The following RALGAPA1 variants were observed in gnomAD, a reference collection of about 807,000 sequenced individuals.
RALGAPA1 encodes Ral GTPase activating protein catalytic subunit alpha 1, also known as ral GTPase-activating protein subunit alpha-1.
Under a neutral mutation model 269.6 loss-of-function variants are expected in RALGAPA1, and 52 were observed. The observed-to-expected ratio is 0.19, with a 90% CI of 0.15 to 0.24. The LOEUF is 0.24. RALGAPA1 is among the 10% of genes least tolerant of loss of function. The pLI is 1.00. For synonymous variants in RALGAPA1, 817 were observed against 1,008.3 expected, an observed-to-expected ratio of 0.81 and a Z score of 3.60; for missense variants, 1,917 against 3,013.9, an observed-to-expected ratio of 0.64 and a Z score of 8.52.
chr14:35,656,305 A>G (rs1440058984), intron 28 of RALGAPA1, among the ~76,000 whole-genome samples: 4 of 152,214 alleles, frequency 2.6e-5, no homozygotes, highest in Non-Finnish European at 5.9e-5. Context: ...AAGCTGATGG[A>G]ATATGTTAAA....
Position 35,683,981 on chromosome 14 carries a change from A to G in RALGAPA1, c.4299T>C (p.Phe1433=), listed in dbSNP as rs186385374. 8.3e-5 allele frequency: 133 copies of G among 1,607,302 alleles called. No individual in the cohort carries two copies. The Admixed American group carries it at 1.3e-3, about 16-fold the overall frequency. ...TAACCCCAGTGTCGGTTCCAAAGCC[A>G]AAATCTATAGGAAGAAGAAATGTTA... The part of the protein sequence containing the change: ...FQYDGRKFDN[F]GFGTDTGVTS... The change falls in exon 21 of 42, where the codon TTT becomes TTC. Residue 1433 remains phenylalanine (F), a synonymous_variant. Transcript: ENST00000680220.
intron 33 of RALGAPA1, among the ~76,000 whole-genome samples, chr14:35,629,019 G>A (rs2061158201): frequency 6.6e-6 from 1 of 152,042 alleles, no homozygotes; most frequent in Non-Finnish European, 1.5e-5. Context: ...AGGAAGAAGG[G>A]AACACAGAGA....
chr14:35,801,108 C>T (rs1053115851), intron 1 of RALGAPA1, among the ~76,000 whole-genome samples: 1 of 141,698 alleles, frequency 7.1e-6, no homozygotes, highest in African/African-American at 2.6e-5. Context: ...TCAATAAAAC[C>T]AAAAGATAGT....
chr14:35,725,983 T>C (rs2069870329), intron 13 of RALGAPA1, among the ~76,000 whole-genome samples: 1 of 152,230 alleles, frequency 6.6e-6, no homozygotes. Flanking sequence ...CTACCTTATT[T>C]ACACTGATAC....
In RALGAPA1 at chr14:35,659,193, G is replaced by C; in HGVS notation, c.5332C>G (p.Leu1778Val). ...GAGCTTAATACAGTTTTGATTATAA[G>C]TTCCTAAAATAAGGGGGAAATAGTT... ...AVSQFTDVKE[L>V]IIKTVLSSAR... The change falls in exon 28 of 42, where the codon CTT (leucine) becomes GTT (valine). Residue 1778 changes from leucine (L) to valine (V), a missense_variant. Coordinates refer to ENST00000680220, the MANE Select transcript of RALGAPA1 (RefSeq NM_001346249.2). The C allele has an allele frequency of 6.2e-7, 1 of 1,608,398 alleles. No individual in the cohort carries two copies. The highest frequency in any genetic ancestry group is 8.5e-7 in the Non-Finnish European group (1 of 1,176,724).
chr14:35,557,382 T>A (rs1432246424), intron 39 of RALGAPA1, among the ~76,000 whole-genome samples: 1 of 151,906 alleles, frequency 6.6e-6, no homozygotes, highest in East Asian at 1.9e-4. Context: ...GTGCACTAAT[T>A]TAATTAAGAT....
chr14:35,598,209 T>C (rs755859401), intron 36 of RALGAPA1, among the ~76,000 whole-genome samples: 1 of 152,118 alleles, frequency 6.6e-6, no homozygotes, highest in South Asian at 2.1e-4. Context: ...TTGGTGCACA[T>C]GTATTTAGCA....
chr14:35,668,756 G>A (rs1037126540), intron 26 of RALGAPA1, among the ~76,000 whole-genome samples: 5 of 152,132 alleles, frequency 3.3e-5, no homozygotes, highest in African/African-American at 1.2e-4. Flanking sequence ...AGTGAGCCTC[G>A]ATTGTGCCAC....
At chr14:35,600,433 T>G (rs1387380738) in intron 36 of RALGAPA1, among the ~76,000 whole-genome samples, 9 of 151,954 alleles carry the variant, frequency 5.9e-5, no homozygotes, top group Admixed American at 5.3e-4. Context: ...GATCTCACTA[T>G]GTTGCCCAGG....
intron 36 of RALGAPA1, among the ~76,000 whole-genome samples, chr14:35,598,096 C>T (rs1185814410): frequency 6.6e-6 from 1 of 152,164 alleles, no homozygotes; most frequent in Non-Finnish European, 1.5e-5. Flanking sequence ...TAGTTTTCCT[C>T]TTAACTGTTG....
chr14:35,764,570 G>A (rs2073989330), intron 4 of RALGAPA1, among the ~76,000 whole-genome samples: 1 of 151,918 alleles, frequency 6.6e-6, no homozygotes, highest in Non-Finnish European at 1.5e-5. Flanking sequence ...TTTTGAGACA[G>A]GTTCTCACTC....
chr14:35,716,181 G>C, intron 16 of RALGAPA1: 3 of 622,474 alleles, frequency 4.8e-6, no homozygotes, highest in Non-Finnish European at 6.0e-6. Flanking sequence ...ATCACTTGAG[G>C]TCAGGAGTTC....
At chr14:35,539,887 T>C (rs2053810266) in intron 41 of RALGAPA1, among the ~76,000 whole-genome samples, 197 bp from the exon 42 acceptor site, 2 of 152,126 alleles carry the variant, frequency 1.3e-5, no homozygotes, top group Non-Finnish European at 2.9e-5. Flanking sequence ...CTCATGTCAT[T>C]ATATTAGCAA....
intron 9 of RALGAPA1, among the ~76,000 whole-genome samples, chr14:35,749,310 T>C (rs2072453167): frequency 6.6e-6 from 1 of 152,138 alleles, no homozygotes. Context: ...ACAAAATTTA[T>C]GACAGAAGTA....
intron 16 of RALGAPA1, 118 bp from the exon 17 acceptor site, chr14:35,700,420 T>C: frequency 1.8e-3 from 890 of 496,690 alleles, no homozygotes; most frequent in Non-Finnish European, 2.4e-3. Flanking sequence ...AGGAAGGAAA[T>C]TATAAATTAA....
intron 35 of RALGAPA1, among the ~76,000 whole-genome samples, chr14:35,607,157 A>T (rs972578639): frequency 1.3e-5 from 2 of 152,248 alleles, no homozygotes; most frequent in South Asian, 2.1e-4. Context: ...CAAACAGGGA[A>T]ATATTCATTC....
intron 35 of RALGAPA1, among the ~76,000 whole-genome samples, chr14:35,606,990 A>G (rs1046425730): frequency 2.6e-5 from 4 of 152,118 alleles, no homozygotes; most frequent in Non-Finnish European, 5.9e-5. Flanking sequence ...AGGATATGCT[A>G]GTGTAAGCAG....
intron 22 of RALGAPA1, chr14:35,676,548 GTAGCTATAAAGGGCAT>G (rs1198433736): frequency 6.6e-6 from 1 of 152,222 alleles, no homozygotes; most frequent in Non-Finnish European, 1.5e-5. Flanking sequence ...ACGGTGTGGG[GTAGCTATAAAGGGCAT>G]TATTGGGACA....
intron 20 of RALGAPA1, among the ~76,000 whole-genome samples, chr14:35,684,467 C>T (rs1414913936): frequency 6.6e-6 from 1 of 152,166 alleles, no homozygotes; most frequent in Non-Finnish European, 1.5e-5. Context: ...AACTCATAAT[C>T]ATGACTGGCT....
Sources: gnomAD v4.1 joint callset for allele counts (sites outside exome capture counted in the v4.1 genomes callset) on GRCh38, gnomAD v4.1.1 for gene constraint, MANE v1.5 for transcripts, NCBI Gene and HGNC (gene_info 2026-07-23, HGNC 2026-07-21) for gene names.